Variants in BPTF observed in about 807,000 individuals in gnomAD.
The protein encoded by BPTF is bromodomain PHD finger transcription factor.
Under a neutral mutation model 292.5 loss-of-function variants are expected in BPTF, and 18 were observed. That is an observed-to-expected ratio of 0.06 (90% confidence interval 0.04 to 0.09). The LOEUF (loss-of-function observed/expected upper bound fraction) is 0.09. Ranked by LOEUF, BPTF falls within the 10% of genes least tolerant of loss-of-function variation. The pLI is 1.00. For missense variants in BPTF, 2,726 were observed against 3,498.7 expected, an observed-to-expected ratio of 0.78 and a Z score of 5.57; for synonymous variants, 1,225 against 1,251.9, an observed-to-expected ratio of 0.98 and a Z score of 0.45.
chr17:67,872,848 G>T (rs775436710), intron 3 of BPTF, among the ~76,000 whole-genome samples: 73 of 152,182 alleles, frequency 4.8e-4, no homozygotes, highest in Non-Finnish European at 7.2e-4. Context: ...TGTAACCCCA[G>T]TGCTTTGGTA....
At chr17:67,958,998 T>C (rs2067212687) in intron 23 of BPTF, among the ~76,000 whole-genome samples, 1 of 152,096 alleles carries the variant, frequency 6.6e-6, no homozygotes, top group Non-Finnish European at 1.5e-5. Context: ...AAAAAGAAAA[T>C]AGTGCGTTAT....
intron 26 of BPTF, among the ~76,000 whole-genome samples, chr17:67,972,478 A>G (rs1394850605): frequency 6.6e-6 from 1 of 152,132 alleles, no homozygotes; most frequent in African/African-American, 2.4e-5. Context: ...TCTTGACCTC[A>G]GGTAATCCGT....
In BPTF at chr17:67,902,887, C is replaced by T. The variant is rs972955416; in HGVS notation, c.2544-902C>T. Among the ~76,000 whole-genome samples the T allele has an allele frequency of 3.3e-5, 5 of 152,194 alleles. No homozygotes were observed. In the East Asian group the frequency reaches 9.6e-4, roughly 29 times the overall value. ...GGGTGTGATAAAAGCAGTTCTTCTG[C>T]CACTAGCGCTCTTAGAGACAAGAGC... On this transcript the variant is annotated intron_variant, in intron 7 of 27. Coordinates refer to ENST00000306378, the MANE Select transcript of BPTF (RefSeq NM_182641.4).
intron 17 of BPTF, among the ~76,000 whole-genome samples, chr17:67,929,909 A>G (rs2064221398): frequency 6.6e-6 from 1 of 152,134 alleles, no homozygotes. Context: ...TGAGCTCAGG[A>G]GTACAGGGCC....
At chr17:67,941,601 C>T (rs1353795655) in intron 19 of BPTF, among the ~76,000 whole-genome samples, 1 of 152,174 alleles carries the variant, frequency 6.6e-6, no homozygotes, top group East Asian at 1.9e-4. Flanking sequence ...ACAAAGGTGA[C>T]ATTGCAGATC....
intron 1 of BPTF, among the ~76,000 whole-genome samples, chr17:67,832,424 ATTATT>A (rs1451153261): frequency 1.3e-5 from 2 of 152,158 alleles, no homozygotes; most frequent in Non-Finnish European, 2.9e-5. Flanking sequence ...ATATTCAACT[ATTATT>A]TTGTGATTGT....
At chr17:67,901,302 G>A (rs1484159946) in intron 7 of BPTF, among the ~76,000 whole-genome samples, 1 of 139,306 alleles carries the variant, frequency 7.2e-6, no homozygotes, top group Non-Finnish European at 1.5e-5. Flanking sequence ...ATGAAGAATT[G>A]TTAAAAAAAA....
chr17:67,845,089 G>C (rs182861126), intron 1 of BPTF, among the ~76,000 whole-genome samples: 1 of 152,138 alleles, frequency 6.6e-6, no homozygotes, highest in African/African-American at 2.4e-5. Flanking sequence ...ACTTGTGATA[G>C]GAATGCTGTA....
chr17:67,857,895 C>A lies in BPTF; in HGVS notation c.1436+3133C>A, dbSNP rs542267002. On this transcript the variant is annotated intron_variant, in intron 2 of 27. Coordinates refer to ENST00000306378, the MANE Select transcript of BPTF (RefSeq NM_182641.4). The stretch of plus-strand genomic sequence containing the variant: ...CTCCATCTCCCAGGTTCAAGCGATT[C>A]TCCTGCCTCAGCCTCCCAAGTAGCT... Among the ~76,000 whole-genome samples the A allele has an allele frequency of 1.1e-3, 160 of 148,184 alleles. 1 individual carries two copies. Among genetic ancestry groups the A allele is most frequent in the Middle Eastern group, 7.1e-3 (2 of 282 alleles).
At chr17:67,960,758 G>A (rs1387211702) in intron 24 of BPTF, among the ~76,000 whole-genome samples, 3 of 152,120 alleles carry the variant, frequency 2.0e-5, no homozygotes, top group African/African-American at 7.2e-5. Context: ...TACCTTAAGT[G>A]GATACCTAAT....
intron 26 of BPTF, among the ~76,000 whole-genome samples, chr17:67,971,448 A>G (rs1555690835): frequency 6.6e-6 from 1 of 151,464 alleles, no homozygotes; most frequent in Non-Finnish European, 1.5e-5. Context: ...ACACCTCCAC[A>G]CTTCAGCATG....
At chr17:67,970,421 T>C (rs1054465218) in intron 26 of BPTF, among the ~76,000 whole-genome samples, 4 of 152,034 alleles carry the variant, frequency 2.6e-5, no homozygotes, top group East Asian at 3.9e-4. Context: ...AAAATACATA[T>C]ATACATACAT....
intron 1 of BPTF, among the ~76,000 whole-genome samples, chr17:67,843,257 T>G (rs1441783077): frequency 1.3e-5 from 2 of 150,522 alleles, no homozygotes; most frequent in Non-Finnish European, 3.0e-5. Flanking sequence ...AATATATATC[T>G]ACATATATGG....
At chr17:67,881,863 T>TCG (rs1555632610) in intron 4 of BPTF, among the ~76,000 whole-genome samples, 2 of 47,026 alleles carry the variant, frequency 4.3e-5, no homozygotes, top group Admixed American at 2.0e-4. Flanking sequence ...TTTTTGTTTT[T>TCG]TTTTTTTTTT....
At position 67,948,310 on chromosome 17, in the gene BPTF, A is replaced by G. The variant is rs2065961459; in HGVS notation, c.7926+4A>G. On this transcript the variant is annotated splice_donor_region_variant and intron_variant, in intron 23 of 27. Coordinates refer to ENST00000306378, the MANE Select transcript of BPTF (RefSeq NM_182641.4). Reference sequence around the variant, plus strand: ...GGATCTGCAAATTGAAGTGCAGGTAAGAGGGCACATCCTTTTCTTCTGTGT... The same window carrying G: ...GGATCTGCAAATTGAAGTGCAGGTAGGAGGGCACATCCTTTTCTTCTGTGT... The G allele has an allele frequency of 1.2e-6, 2 of 1,608,108 alleles. No individual in the cohort carries two copies. The highest frequency in any genetic ancestry group is 1.7e-6 in the Non-Finnish European group (2 of 1,176,872).
intron 2 of BPTF, among the ~76,000 whole-genome samples, chr17:67,863,563 C>T (rs1333807497): frequency 1.3e-5 from 2 of 152,224 alleles, no homozygotes; most frequent in African/African-American, 4.8e-5. Context: ...GAATTACAGG[C>T]GTGAGCCACC....
chr17:67,958,218 G>A (rs114317140), intron 23 of BPTF, among the ~76,000 whole-genome samples: 2,455 of 151,448 alleles, frequency 0.016, 62 homozygotes, highest in African/African-American at 0.052. Context: ...GTCCTAGCTA[G>A]GTACTTGGGA....
chr17:67,880,616 TGTTTTTG>T (rs147965972), intron 4 of BPTF, among the ~76,000 whole-genome samples: 1,660 of 152,110 alleles, frequency 0.011, 25 homozygotes, highest in African/African-American at 0.038. Context: ...TGTAGGTTTT[TGTTTTTG>T]GTTTTTGGTT....
At position 67,909,600 on chromosome 17, in the gene BPTF, A is replaced by G. The variant is rs759972504; in HGVS notation, c.2831A>G (p.Glu944Gly). The G allele has an allele frequency of 6.4e-7, 1 of 1,560,240 alleles. No homozygotes were observed. The highest frequency in any genetic ancestry group is 8.6e-7 in the Non-Finnish European group (1 of 1,158,726). The change falls in exon 10 of 28, where the codon GAA (glutamate) becomes GGA (glycine). Residue 944 changes from glutamate (E) to glycine (G), a missense_variant. Glu to Gly is a moderately conservative substitution (Grantham distance 98). Around this residue, in one of 22 missense-constraint regions of BPTF, gnomAD observed 713 missense variants for 714.9 expected, o/e 1.00. Transcript: ENST00000306378. The stretch of plus-strand genomic sequence containing the variant: ...TTTTTAGCCAAAAATAATATGGATG[A>G]AAATATGGATGAGTCAGATAAAAGA... ...SLEGTKNNMD[E>G]NMDESDKRKC...
Sources: allele counts gnomAD v4.1 joint callset (sites outside exome capture counted in the v4.1 genomes callset), GRCh38; gene constraint gnomAD v4.1.1; regional missense constraint gnomAD v4.1.1; transcripts MANE v1.5; gene names NCBI Gene and HGNC (gene_info 2026-07-23, HGNC 2026-07-21).